The following SYBU variants were observed in gnomAD, a reference collection of about 807,000 sequenced individuals.
The protein encoded by SYBU is GOLSYN A protein.
A neutral mutation model predicts 35.9 loss-of-function variants in SYBU; 21 were observed. That is an observed-to-expected ratio of 0.58 (90% confidence interval 0.41 to 0.84). SYBU has a LOEUF of 0.84. Ranked by LOEUF, SYBU falls within the 40% of genes least tolerant of loss-of-function variation. The pLI, the probability that SYBU is intolerant of heterozygous loss-of-function variation, is 0.00. For synonymous variants in SYBU, 319 were observed against 324.3 expected, an observed-to-expected ratio of 0.98 and a Z score of 0.18; for missense variants, 768 against 848.2, an observed-to-expected ratio of 0.91 and a Z score of 1.17.
At chr8:109,583,708 C>T (rs1042287216) in intron 4 of SYBU, among the ~76,000 whole-genome samples, 2 of 152,198 alleles carry the variant, frequency 1.3e-5, no homozygotes, top group Non-Finnish European at 2.9e-5. Context: ...GCTGCCCCCC[C>T]ATGCGTGGCC....
intron 1 of SYBU, among the ~76,000 whole-genome samples, chr8:109,666,814 T>C (rs987325304): frequency 1.3e-5 from 2 of 152,218 alleles, no homozygotes; most frequent in Admixed American, 6.5e-5. Flanking sequence ...AGTACAAATG[T>C]ATTAATAATA....
chr8:109,660,076 T>A (rs920702406), intron 1 of SYBU, among the ~76,000 whole-genome samples: 2 of 152,192 alleles, frequency 1.3e-5, no homozygotes, highest in Non-Finnish European at 1.5e-5. Context: ...TCTATTTAGC[T>A]TAATTTATTT....
chr8:109,606,011 A>G (rs1826033467), intron 3 of SYBU, among the ~76,000 whole-genome samples: 1 of 152,246 alleles, frequency 6.6e-6, no homozygotes, highest in Non-Finnish European at 1.5e-5. Flanking sequence ...AATTTCATAT[A>G]TATACATACA....
chr8:109,687,539 C>G (rs543710286), intron 1 of SYBU, among the ~76,000 whole-genome samples: 12 of 152,196 alleles, frequency 7.9e-5, no homozygotes, highest in Non-Finnish European at 1.3e-4. Flanking sequence ...GAAGGGAAAG[C>G]CTGTAAAACA....
intron 1 of SYBU, 152 bp from the exon 2 acceptor site, chr8:109,643,084 G>C (rs1035472209): frequency 2.3e-5 from 31 of 1,372,722 alleles, no homozygotes; most frequent in African/African-American, 3.0e-5. Context: ...TTGCTGAAAT[G>C]AGCTTCAAAA....
intron 2 of SYBU, among the ~76,000 whole-genome samples, chr8:109,641,310 C>G (rs929851069): frequency 2.6e-5 from 4 of 152,232 alleles, no homozygotes; most frequent in Non-Finnish European, 5.9e-5. Flanking sequence ...CGTGCCCAAA[C>G]AGACATCCAT....
At chr8:109,628,679 A>C (rs1039549604) in intron 2 of SYBU, among the ~76,000 whole-genome samples, 1 of 151,348 alleles carries the variant, frequency 6.6e-6, no homozygotes, top group Non-Finnish European at 1.5e-5. Flanking sequence ...TTTTTTTTTT[A>C]AAGTTAGCTG....
In SYBU at chr8:109,575,939, C is replaced by G; in HGVS notation, c.959G>C (p.Arg320Pro). The change falls in exon 7 of 7, where the codon CGG (arginine) becomes CCG (proline). Residue 320 changes from arginine to proline, a missense_variant. Coordinates refer to ENST00000276646, the MANE Select transcript of SYBU (RefSeq NM_001099754.2). The stretch of plus-strand genomic sequence containing the variant: ...TTTGAGTGCCAACTGGGCCTCTACC[C>G]GGTGACACTCCTCCTCAATCCAGTC... Reference protein sequence around the residue: ...REDWIEEECHRVEAQLALKEA... With the variant: ...REDWIEEECHPVEAQLALKEA... The G allele has an allele frequency of 6.2e-7, 1 of 1,613,014 alleles. No individual in the cohort carries two copies. Among genetic ancestry groups the G allele is most frequent in the Non-Finnish European group, 8.5e-7 (1 of 1,179,880 alleles).
chr8:109,642,511 A>C (rs1336860941), intron 2 of SYBU, among the ~76,000 whole-genome samples: 1 of 152,248 alleles, frequency 6.6e-6, no homozygotes, highest in Non-Finnish European at 1.5e-5. Context: ...AAGCTAGAAT[A>C]ACATATGAAA....
chr8:109,669,354 A>C lies in SYBU; in HGVS notation c.-129+11357T>G, dbSNP rs1169538301. On this transcript the variant is annotated intron_variant, in intron 1 of 5. Transcript: ENST00000408889. ...GAGACTCCGTCAAAAAAAAAAAAAA[A>C]AAAAAAAAAAAAAACAACTGATCTA... Among the ~76,000 whole-genome samples the C allele has an allele frequency of 5.3e-5, 8 of 150,942 alleles. No homozygotes were observed. In the East Asian group the frequency reaches 9.7e-4, roughly 18 times the overall value.
rs1304055661 is a variant in SYBU, at chr8:109,691,358, C to T, written c.-83G>A. 1 of 701,866 alleles carries T rather than the reference C, an allele frequency of 1.4e-6. No individual in the cohort carries two copies. The highest frequency in any genetic ancestry group is 1.7e-5 in the African/African-American group (1 of 57,158). The allele number at this position is 701,866 out of a possible 1,614,324, so 43.5% of individuals were successfully genotyped here. ...CCTTTCTCGCCCAGAAGGGCCCCAT[C>T]GCGCTGTCCAGGAGGAGGCACCTAC... is the stretch of plus-strand genomic sequence containing the variant. On this transcript the variant is annotated 5_prime_UTR_variant, in exon 1 of 8. Transcript: ENST00000422135. This position sits in a 1 kb window ranked among gnomAD's most constrained non-coding sequence, Gnocchi z 4.7.
rs750183444 is a variant in SYBU, at chr8:109,579,985, C to G, written c.548G>C (p.Arg183Pro). ...CTTGTGTGACGAAGCTCCATTACTC[C>G]GCCCATGAGGACCTCGACTGGGAGA... ...SSSRNRGPHG[R>P]SNGASSHKPG... Residue 183 changes from arginine (R) to proline (P), a missense_variant, in exon 5 of 7, where the codon CGG becomes CCG. Transcript: ENST00000276646. 2.5e-6 allele frequency: 4 copies of G among 1,613,022 alleles called. No individual in the cohort carries two copies. The South Asian group carries it at 4.4e-5, about 18-fold the overall frequency.
chr8:109,670,223 A>C (rs1219472598), intron 1 of SYBU, among the ~76,000 whole-genome samples: 4 of 152,092 alleles, frequency 2.6e-5, no homozygotes, highest in Non-Finnish European at 5.9e-5. Context: ...AGCAGTTTAA[A>C]TTCTACTTTA....
intron 1 of SYBU, among the ~76,000 whole-genome samples, chr8:109,663,255 A>G (rs1816631515): frequency 7.3e-6 from 1 of 137,164 alleles, no homozygotes; most frequent in Non-Finnish European, 1.5e-5. Flanking sequence ...ATAAAAATAC[A>G]TACAGATAGA....
chr8:109,596,039 T>C (rs1824837694), intron 3 of SYBU, among the ~76,000 whole-genome samples: 1 of 152,222 alleles, frequency 6.6e-6, no homozygotes, highest in Non-Finnish European at 1.5e-5. Context: ...CTGAAGTGAT[T>C]CCACTGACAA....
intron 1 of SYBU, among the ~76,000 whole-genome samples, chr8:109,676,038 C>A (rs191228897): frequency 0.014 from 2,166 of 152,264 alleles, 47 homozygotes; most frequent in African/African-American, 0.049. Flanking sequence ...ACGACAAAAA[C>A]CACTTGATTA....
intron 3 of SYBU, among the ~76,000 whole-genome samples, chr8:109,612,460 A>G (rs979907729): frequency 6.6e-6 from 1 of 152,230 alleles, no homozygotes; most frequent in African/African-American, 2.4e-5. Context: ...ATGCCTTGCC[A>G]AAGTATGCAG....
chr8:109,612,048 C>T (rs1008631813), intron 3 of SYBU, among the ~76,000 whole-genome samples: 1 of 152,166 alleles, frequency 6.6e-6, no homozygotes, highest in Non-Finnish European at 1.5e-5. Flanking sequence ...TGAAGGTGGA[C>T]TTTACTACTA....
Position 109,573,995 on chromosome 8 carries a change from C to G in SYBU, c.*911G>C, listed in dbSNP as rs1170442504. On this transcript the variant is annotated 3_prime_UTR_variant, in exon 7 of 7. Transcript: ENST00000276646. The stretch of plus-strand genomic sequence containing the variant: ...ATGGGCAATTTAAAAGTAAACAAAT[C>G]TACTTTTATTCAGAAATGATGCTTT... The G allele has an allele frequency of 6.6e-6, 1 of 152,162 alleles. No homozygotes were observed. The highest frequency in any genetic ancestry group is 1.5e-5 in the Non-Finnish European group (1 of 68,016). The allele number at this position is 152,162 out of a possible 1,614,324, so 9.4% of individuals were successfully genotyped here.
Sources: gnomAD v4.1 joint callset for allele counts (sites outside exome capture counted in the v4.1 genomes callset) on GRCh38, gnomAD v4.1.1 for gene constraint, Gnocchi (gnomAD v3.1) non-coding constraint, MANE v1.5 for transcripts, NCBI Gene and HGNC (gene_info 2026-07-23, HGNC 2026-07-21) for gene names.